CNOT10: variants seen among roughly 807,000 people sequenced by gnomAD.
CNOT10 encodes the protein CCR4-NOT transcription complex, subunit 10.
Under a neutral mutation model 94.6 loss-of-function variants are expected in CNOT10, and 30 were observed. The ratio of observed to expected loss-of-function variants is 0.32; its 90% CI spans 0.24 to 0.43. CNOT10 has a LOEUF of 0.43. Ranked by LOEUF, CNOT10 falls within the 20% of genes least tolerant of loss-of-function variation. The pLI is 1.00. For synonymous variants in CNOT10, 289 were observed against 301.6 expected, an observed-to-expected ratio of 0.96 and a Z score of 0.43; for missense variants, 759 against 877.2, an observed-to-expected ratio of 0.87 and a Z score of 1.70.
At chr3:32,762,034 G>A (rs1463649258) in intron 14 of CNOT10, among the ~76,000 whole-genome samples, 1 of 149,574 alleles carries the variant, frequency 6.7e-6, no homozygotes, top group Non-Finnish European at 1.5e-5. Context: ...GCCTCCCAAA[G>A]TGCTGGGATT....
intron 13 of CNOT10, among the ~76,000 whole-genome samples, chr3:32,752,543 T>C (rs1321834078): frequency 6.6e-6 from 1 of 152,244 alleles, no homozygotes; most frequent in Non-Finnish European, 1.5e-5. Flanking sequence ...CTTCTTTAGC[T>C]TTTTGTGTTG....
chr3:32,720,615 C>T (rs943532180), intron 8 of CNOT10, among the ~76,000 whole-genome samples: 1 of 151,984 alleles, frequency 6.6e-6, no homozygotes, highest in Non-Finnish European at 1.5e-5. Flanking sequence ...ACCTCACCCT[C>T]CCAGGTAGCT....
chr3:32,726,129 A>G (rs1467742953), intron 9 of CNOT10, among the ~76,000 whole-genome samples: 1 of 152,044 alleles, frequency 6.6e-6, no homozygotes, highest in East Asian at 1.9e-4. Flanking sequence ...GTTTTTTGTA[A>G]AGATAGGGTT....
chr3:32,736,854 T>C (rs1281405118), intron 12 of CNOT10, among the ~76,000 whole-genome samples: 1 of 152,114 alleles, frequency 6.6e-6, no homozygotes, highest in African/African-American at 2.4e-5. Flanking sequence ...TTATTTCCCT[T>C]TTGTAGTAAA....
intron 13 of CNOT10, among the ~76,000 whole-genome samples, chr3:32,758,599 A>G (rs1429041283): frequency 1.3e-5 from 2 of 152,088 alleles, no homozygotes; most frequent in Non-Finnish European, 2.9e-5. Context: ...ATAACTCAAA[A>G]CCCTGTATCT....
intron 1 of CNOT10, among the ~76,000 whole-genome samples, chr3:32,686,746 CTG>C (rs1256187541): frequency 2.6e-5 from 4 of 152,200 alleles, no homozygotes; most frequent in East Asian, 1.9e-4. Context: ...AGAATAGTGT[CTG>C]TGTTCCCCAC....
In CNOT10 at chr3:32,737,427, G is replaced by A. The variant is rs751147106; in HGVS notation, c.1532G>A (p.Gly511Glu). The change falls in exon 13 of 19, where the codon GGA becomes GAA. Residue 511 changes from glycine (G) to glutamate (E), a missense_variant. Around this residue, in one of 3 missense-constraint regions of CNOT10, gnomAD observed 682 missense variants for 799.4 expected, o/e 0.85. Transcript: ENST00000328834. Reference protein sequence around the residue: ...SETCSSKSHDGDKFIPAPPSS... With the variant: ...SETCSSKSHDEDKFIPAPPSS... ...TATTTTAGCAGTAAAAGCCATGATG[G>A]AGATAAATTCATTCCAGCTCCACCT... 2.2e-5 allele frequency: 36 copies of A among 1,609,132 alleles called. No individual in the cohort carries two copies. The highest frequency in any genetic ancestry group is 3.0e-5 in the Non-Finnish European group (35 of 1,175,904).
intron 13 of CNOT10, chr3:32,753,584 A>G: frequency 6.3e-7 from 1 of 1,586,530 alleles, no homozygotes; most frequent in East Asian, 2.2e-5. Flanking sequence ...CTAGAGGAGC[A>G]AGGAGATGTG....
intron 4 of CNOT10, among the ~76,000 whole-genome samples, chr3:32,711,534 G>C (rs1347315934): frequency 1.3e-5 from 2 of 152,100 alleles, no homozygotes; most frequent in Admixed American, 6.6e-5. Flanking sequence ...GCTGTATACT[G>C]AATGCTATGA....
chr3:32,693,427 G>A (rs1332733674), intron 1 of CNOT10: 7 of 151,818 alleles, frequency 4.6e-5, no homozygotes, highest in East Asian at 1.9e-4. Flanking sequence ...CATGTATCCC[G>A]GGCTGGTCTC....
intron 3 of CNOT10, among the ~76,000 whole-genome samples, chr3:32,707,101 C>A (rs1697657756): frequency 6.6e-6 from 1 of 152,052 alleles, no homozygotes; most frequent in African/African-American, 2.4e-5. Flanking sequence ...TAATATTGAA[C>A]AATAATTTAT....
At chr3:32,763,404 A>C (rs1700533538) in intron 15 of CNOT10, among the ~76,000 whole-genome samples, 1 of 152,200 alleles carries the variant, frequency 6.6e-6, no homozygotes, top group Admixed American at 6.5e-5. Flanking sequence ...TAATCCCAAC[A>C]CTTTGGGAGG....
intron 15 of CNOT10, among the ~76,000 whole-genome samples, 185 bp downstream of exon 15, chr3:32,763,048 A>C (rs921123397): frequency 1.3e-5 from 2 of 152,250 alleles, no homozygotes; most frequent in South Asian, 2.1e-4. Flanking sequence ...GTTAATGATC[A>C]CATCATCTAA....
chr3:32,754,183 A>C (rs1487041024), intron 13 of CNOT10, among the ~76,000 whole-genome samples: 1 of 151,944 alleles, frequency 6.6e-6, no homozygotes, highest in Non-Finnish European at 1.5e-5. Context: ...TTTCTTTAGA[A>C]ATTTTATTTA....
chr3:32,718,258 CTTTTTTTTTTTTT>C (rs376879885), intron 7 of CNOT10, among the ~76,000 whole-genome samples: 1 of 117,042 alleles, frequency 8.5e-6, no homozygotes, highest in African/African-American at 3.2e-5. Context: ...CATTATCAAA[CTTTTTTTTTTTTT>C]TTTTTTTTTA....
chr3:32,751,480 A>G (rs1164182161), intron 13 of CNOT10, among the ~76,000 whole-genome samples: 2 of 152,194 alleles, frequency 1.3e-5, no homozygotes, highest in Non-Finnish European at 2.9e-5. Context: ...AAATGTTTGG[A>G]GCAAATTTAA....
chr3:32,700,387 C>T (rs1189518592), intron 1 of CNOT10, among the ~76,000 whole-genome samples: 1 of 152,116 alleles, frequency 6.6e-6, no homozygotes, highest in Non-Finnish European at 1.5e-5. Context: ...TGAAACTTGC[C>T]CCAGTTCCAC....
chr3:32,759,234 G>A (rs2125630624), intron 13 of CNOT10, among the ~76,000 whole-genome samples: 1 of 151,932 alleles, frequency 6.6e-6, no homozygotes, highest in South Asian at 2.1e-4. Flanking sequence ...TGGGGATGTG[G>A]GTCAATTGGA....
intron 13 of CNOT10, among the ~76,000 whole-genome samples, chr3:32,751,381 T>C (rs1699959699): frequency 6.6e-6 from 1 of 152,194 alleles, no homozygotes; most frequent in South Asian, 2.1e-4. Flanking sequence ...GCTGAGATTA[T>C]AAGCGTGAGC....
Sources: allele counts gnomAD v4.1 joint callset (sites outside exome capture counted in the v4.1 genomes callset), GRCh38; gene constraint gnomAD v4.1.1; regional missense constraint gnomAD v4.1.1; transcripts MANE v1.5; gene names NCBI Gene and HGNC (gene_info 2026-07-23, HGNC 2026-07-21).